MCPH1: variants seen among roughly 807,000 people sequenced by gnomAD.
The protein encoded by MCPH1 is microcephalin.
In MCPH1, 104 loss-of-function variants were observed where a neutral mutation model predicts 84.5. The observed-to-expected ratio is 1.23, with a 90% CI of 1.05 to 1.45. MCPH1 has a LOEUF of 1.45. Ranked by LOEUF, MCPH1 falls within the 40% of genes most tolerant of loss-of-function variation. MCPH1 has a pLI of 0.00. For synonymous variants in MCPH1, 514 were observed against 366.8 expected, an observed-to-expected ratio of 1.40 and a Z score of -4.58; for missense variants, 1,498 against 1,005.7, an observed-to-expected ratio of 1.49 and a Z score of -6.62.
chr8:6,634,608 T>C (rs1322539187), intron 13 of MCPH1, among the ~76,000 whole-genome samples: 4 of 152,230 alleles, frequency 2.6e-5, no homozygotes, highest in Non-Finnish European at 4.4e-5. Flanking sequence ...TCCATTATTA[T>C]GCTAACAAAA....
At chr8:6,505,144 AT>A (rs1813031894) in intron 12 of MCPH1, among the ~76,000 whole-genome samples, 1 of 138,146 alleles carries the variant, frequency 7.2e-6, no homozygotes, top group African/African-American at 3.0e-5. Flanking sequence ...CCCGTAATGC[AT>A]TATTTCTTAA....
chr8:6,518,148 C>T (rs192217786), intron 12 of MCPH1, among the ~76,000 whole-genome samples: 1 of 152,226 alleles, frequency 6.6e-6, no homozygotes, highest in African/African-American at 2.4e-5. Context: ...ATAGATGAAA[C>T]AATGTGATGG....
intron 12 of MCPH1, chr8:6,509,009 T>C: frequency 6.2e-7 from 1 of 1,614,190 alleles, no homozygotes; most frequent in African/African-American, 1.3e-5. Flanking sequence ...ATTTCCTGGT[T>C]GGCTGATGCT....
At position 6,644,764 on chromosome 8, in the gene MCPH1, T is replaced by C. The variant is rs980346852; in HGVS notation, c.*1715T>C. 5 of 152,224 alleles carry C rather than the reference T, an allele frequency of 3.3e-5. No individual in the cohort carries two copies. The highest frequency in any genetic ancestry group is 1.2e-4 in the African/African-American group (5 of 41,452). 9.4% of individuals were successfully genotyped at this position (152,224 alleles called of 1,614,324 possible). ...TATCTGTTGCTCATCTCAGCTGTTG[T>C]TCCTACCTCAAATTTCAAGTCCCTC... On this transcript the variant is annotated 3_prime_UTR_variant, in exon 14 of 14. Transcript: ENST00000344683.
intron 12 of MCPH1, among the ~76,000 whole-genome samples, chr8:6,583,852 GTTTTGT>G (rs1827769343): frequency 7.7e-6 from 1 of 129,608 alleles, no homozygotes; most frequent in African/African-American, 2.8e-5. Context: ...TTCATTTCTT[GTTTTGT>G]TTTTTTTTTT....
chr8:6,600,930 T>C (rs1242545127), intron 12 of MCPH1, among the ~76,000 whole-genome samples: 1 of 152,156 alleles, frequency 6.6e-6, no homozygotes, highest in African/African-American at 2.4e-5. Flanking sequence ...CACACTTCCA[T>C]GCACCGTTCA....
intron 5 of MCPH1, 61 bp from the exon 6 acceptor site, chr8:6,438,892 C>G: frequency 1.3e-6 from 2 of 1,514,432 alleles, no homozygotes; most frequent in African/African-American, 2.7e-5. Flanking sequence ...TAAAAGGAAT[C>G]ACATTCCTGA....
intron 12 of MCPH1, among the ~76,000 whole-genome samples, chr8:6,581,289 C>A (rs1189530884): frequency 6.6e-6 from 1 of 152,186 alleles, no homozygotes; most frequent in Non-Finnish European, 1.5e-5. Context: ...AGGTCATCAC[C>A]AAGGTCTGAT....
intron 12 of MCPH1, among the ~76,000 whole-genome samples, chr8:6,514,319 A>G (rs1179493404): frequency 1.3e-5 from 2 of 152,086 alleles, no homozygotes; most frequent in Admixed American, 1.3e-4. Context: ...CCTCCTGAGT[A>G]GCTGGGATTA....
chr8:6,463,352 C>T (rs1207731730), intron 9 of MCPH1, among the ~76,000 whole-genome samples: 1 of 152,192 alleles, frequency 6.6e-6, no homozygotes, highest in African/African-American at 2.4e-5. Context: ...TCTTTGTGAG[C>T]TGCGATAGGG....
intron 12 of MCPH1, among the ~76,000 whole-genome samples, chr8:6,534,659 T>G (rs1048773815): frequency 1.3e-5 from 2 of 152,028 alleles, no homozygotes; most frequent in Non-Finnish European, 2.9e-5. Flanking sequence ...TTTAAAAAAA[T>G]AAAAAATCAG....
chr8:6,447,024 C>G lies in MCPH1; in HGVS notation c.1825+1477C>G. The G allele has an allele frequency of 3.1e-6, 3 of 979,742 alleles. 1 individual carries two copies. In the South Asian group the frequency reaches 1.4e-4, roughly 46 times the overall value. 60.7% of individuals were successfully genotyped at this position (979,742 alleles called of 1,614,324 possible). A position where few individuals can be genotyped will look rare whatever the true frequency, so the allele number is the denominator to read the frequency against. On this transcript the variant is annotated intron_variant, in intron 8 of 13. Transcript: ENST00000344683. ...ATCAGGCAGGGGTGTCCAGGCAGGG[C>G]CCGGGTGCAAGAAAACATTCTGTGT...
At chr8:6,585,501 C>T (rs1586715820) in intron 12 of MCPH1, among the ~76,000 whole-genome samples, 1 of 152,250 alleles carries the variant, frequency 6.6e-6, no homozygotes, top group East Asian at 1.9e-4. Flanking sequence ...GCCTCGAAAA[C>T]ATGCAGTTGG....
intron 4 of MCPH1, among the ~76,000 whole-genome samples, chr8:6,433,697 C>G (rs896775988): frequency 6.8e-6 from 1 of 146,004 alleles, no homozygotes; most frequent in Non-Finnish European, 1.5e-5. Context: ...TGTTACTAAT[C>G]TTTTTAATTT....
At chr8:6,596,648 A>G (rs566171292) in intron 12 of MCPH1, among the ~76,000 whole-genome samples, 4 of 152,240 alleles carry the variant, frequency 2.6e-5, no homozygotes, top group African/African-American at 9.6e-5. Context: ...CCCCTGGGCT[A>G]ACAGGGGCCC....
chr8:6,638,327 A>T (rs73184464), intron 13 of MCPH1, among the ~76,000 whole-genome samples: 1 of 152,284 alleles, frequency 6.6e-6, no homozygotes, highest in Non-Finnish European at 1.5e-5. Context: ...TATTTTGATA[A>T]GCAAAGATGA....
At chr8:6,565,807 G>A (rs770470183) in intron 12 of MCPH1, among the ~76,000 whole-genome samples, 9 of 152,326 alleles carry the variant, frequency 5.9e-5, no homozygotes, top group Non-Finnish European at 1.0e-4. Context: ...GGAGCACAAA[G>A]AAAGACAGTG....
intron 12 of MCPH1, among the ~76,000 whole-genome samples, chr8:6,515,060 C>T (rs1815986623): frequency 6.6e-6 from 1 of 151,800 alleles, no homozygotes; most frequent in Admixed American, 6.6e-5. Context: ...CTAAAGACCC[C>T]ACCCTGATGG....
chr8:6,562,703 G>T, intron 12 of MCPH1: 1 of 1,612,844 alleles, frequency 6.2e-7, no homozygotes, highest in Non-Finnish European at 8.5e-7. Context: ...TGCAGCCTCT[G>T]CACCGAGTCA....
Sources: gnomAD v4.1 joint callset for allele counts (sites outside exome capture counted in the v4.1 genomes callset) on GRCh38, gnomAD v4.1.1 for gene constraint, MANE v1.5 for transcripts, NCBI Gene and HGNC (gene_info 2026-07-23, HGNC 2026-07-21) for gene names.